Variants in DOCK2 observed in about 807,000 individuals in gnomAD.
DOCK2 encodes the protein dedicator of cytokinesis protein 2.
DOCK2 carries 87 observed loss-of-function variants against 248.9 expected under a neutral mutation model. The ratio of observed to expected loss-of-function variants is 0.35; its 90% CI spans 0.29 to 0.42. DOCK2 has a LOEUF of 0.42. Among genes scored for constraint, DOCK2 ranks in the 10% least tolerant of loss-of-function variants. The probability of loss-of-function intolerance (pLI) is 1.00; values close to 1 mark genes in which losing one functional copy is unlikely to be tolerated. For synonymous variants in DOCK2, 805 were observed against 821.6 expected (o/e 0.98, Z 0.35); for missense variants, 1,747 against 2,300.2 (o/e 0.76, Z 4.92).
At chr5:169,715,982 G>A (rs13184078) in intron 19 of DOCK2, among the ~76,000 whole-genome samples, 19,917 of 152,256 alleles carry the variant, frequency 0.13, 1,606 homozygotes, top group Non-Finnish European at 0.19. Flanking sequence ...CAGCTGTGTA[G>A]TATTCTCTAG....
chr5:170,083,196 A>C lies in DOCK2; in HGVS notation c.*338A>C. ...AGGTGTAAGAAACTGTTTTTATCTC[A>C]TTTATTAAGTCTCAGAACTTAACAG... is the stretch of plus-strand genomic sequence containing the variant. On this transcript the variant is annotated 3_prime_UTR_variant, in exon 52 of 52. Transcript: ENST00000520908. The C allele has an allele frequency of 4.4e-6, 1 of 229,762 alleles. No homozygotes were observed. 14.2% of individuals were successfully genotyped at this position (229,762 alleles called of 1,614,324 possible). A position where few individuals can be genotyped will look rare whatever the true frequency, so the allele number is the denominator to read the frequency against.
In DOCK2 at chr5:169,908,063, C is replaced by T. The variant is rs143185007; in HGVS notation, c.2799+67211C>T. On this transcript the variant is annotated intron_variant, in intron 27 of 51. Transcript: ENST00000520908. ...GATGGAACAATTTAGATCAAGCCAT[C>T]CCCAGGAAAAGCTTTCATTGAACAA... Among the ~76,000 whole-genome samples the T allele has an allele frequency of 3.3e-5, 5 of 152,288 alleles. No individual in the cohort carries two copies. The East Asian group carries it at 7.7e-4, about 23-fold the overall frequency.
intron 27 of DOCK2, among the ~76,000 whole-genome samples, chr5:169,888,719 G>C (rs555814695): frequency 2.0e-5 from 3 of 152,296 alleles, no homozygotes; most frequent in Admixed American, 6.5e-5. Context: ...CTTGATCTTT[G>C]TAAAACCGCC....
In DOCK2 at chr5:169,637,325, C is replaced by T; in HGVS notation, c.-2C>T. ...GGGAGGACGCGAGGCCCCGGCCCAG[C>T]CATGGCCCCCTGGCGCAAAGCTGAC... is the stretch of plus-strand genomic sequence containing the variant. On this transcript the variant is annotated 5_prime_UTR_variant, in exon 1 of 52. Coordinates refer to ENST00000520908, the MANE Select transcript of DOCK2 (RefSeq NM_004946.3). 1.4e-6 allele frequency: 2 copies of T among 1,424,582 alleles called. No individual in the cohort carries two copies. Among genetic ancestry groups the T allele is most frequent in the Non-Finnish European group, 1.8e-6 (2 of 1,091,142 alleles). 88.2% of individuals were successfully genotyped at this position (1,424,582 alleles called of 1,614,324 possible). A position where few individuals can be genotyped will look rare whatever the true frequency, so the allele number is the denominator to read the frequency against.
intron 27 of DOCK2, among the ~76,000 whole-genome samples, chr5:169,876,508 C>G (rs2113481322): frequency 6.6e-6 from 1 of 152,338 alleles, no homozygotes; most frequent in Middle Eastern, 3.4e-3. Context: ...TTTCCCACTA[C>G]AGTCAGGACA....
chr5:170,041,966 T>C, intron 37 of DOCK2, 47 bp from the exon 38 acceptor site: 4 of 1,601,550 alleles, frequency 2.5e-6, no homozygotes, highest in Non-Finnish European at 3.4e-6. Context: ...CACCTGCTCT[T>C]GGCAGCCTCT....
chr5:169,730,092 G>C (rs1414543602), intron 22 of DOCK2, among the ~76,000 whole-genome samples: 1 of 152,154 alleles, frequency 6.6e-6, no homozygotes, highest in East Asian at 1.9e-4. Flanking sequence ...GAGTAGCTGG[G>C]ACTACAGGCA....
At position 170,042,618 on chromosome 5, in the gene DOCK2, A is replaced by T. The variant is rs542090338; in HGVS notation, c.3876+486A>T. Among the ~76,000 whole-genome samples, 35 of 152,218 alleles carry T rather than the reference A, an allele frequency of 2.3e-4. No individual in the cohort carries two copies. The East Asian group carries it at 6.2e-3, about 27-fold the overall frequency. ...CTCTTTTCAAACTCAGGGACTGTGTACTTGCTTTTCCCAGCTGGAAGCATT... is the reference window on the plus strand; with the variant it reads ...CTCTTTTCAAACTCAGGGACTGTGTTCTTGCTTTTCCCAGCTGGAAGCATT... On this transcript the variant is annotated intron_variant, in intron 38 of 51. Transcript: ENST00000520908.
intron 27 of DOCK2, among the ~76,000 whole-genome samples, chr5:169,907,531 C>T (rs564682049): frequency 2.0e-4 from 30 of 152,308 alleles, no homozygotes; most frequent in African/African-American, 7.0e-4. Context: ...TTAGCGAAGA[C>T]TAGTTGCCAG....
intron 1 of DOCK2, among the ~76,000 whole-genome samples, chr5:169,647,528 G>A (rs956734016): frequency 6.6e-6 from 1 of 152,148 alleles, no homozygotes; most frequent in Non-Finnish European, 1.5e-5. Flanking sequence ...GCACAGCACA[G>A]CAATAAATAG....
intron 23 of DOCK2, among the ~76,000 whole-genome samples, chr5:169,757,972 C>G (rs1764281260): frequency 6.6e-6 from 1 of 152,204 alleles, no homozygotes; most frequent in Non-Finnish European, 1.5e-5. Flanking sequence ...TTGACAATCT[C>G]TCCTAAAATG....
At chr5:170,040,321 C>T (rs1326335517) in intron 36 of DOCK2, among the ~76,000 whole-genome samples, 2 of 152,178 alleles carry the variant, frequency 1.3e-5, no homozygotes, top group African/African-American at 4.8e-5. Context: ...TTGTTCTCAT[C>T]CTCAGTACCC....
intron 8 of DOCK2, among the ~76,000 whole-genome samples, chr5:169,687,909 C>T (rs942728464): frequency 2.0e-5 from 3 of 152,046 alleles, no homozygotes; most frequent in African/African-American, 7.2e-5. Flanking sequence ...TGTAACTTTC[C>T]GTTGAATCTG....
intron 34 of DOCK2, among the ~76,000 whole-genome samples, chr5:170,034,153 T>C (rs1207231127): frequency 6.6e-6 from 1 of 152,248 alleles, no homozygotes; most frequent in Non-Finnish European, 1.5e-5. Flanking sequence ...TGGGTAAAAG[T>C]GACCATCTCC....
chr5:169,691,829 TTTTATTTA>T (rs543766613), intron 9 of DOCK2, among the ~76,000 whole-genome samples: 17 of 150,384 alleles, frequency 1.1e-4, no homozygotes, highest in Admixed American at 2.6e-4. Context: ...CTATGTTTTG[TTTTATTTA>T]TTTATTTATT....
chr5:169,681,896 A>G lies in DOCK2; in HGVS notation c.606+17A>G. ...GAAGAAATGGTGAGCTTTACTAAAT[A>G]GGCTTTGGCCAAGTGATACAATCAT... On this transcript the variant is annotated intron_variant, in intron 7 of 51. Transcript: ENST00000520908. The G allele has an allele frequency of 6.2e-7, 1 of 1,612,252 alleles. No individual in the cohort carries two copies. The highest frequency in any genetic ancestry group is 1.3e-5 in the African/African-American group (1 of 75,006).
intron 17 of DOCK2, 148 bp from the exon 18 acceptor site, chr5:169,713,880 A>AC (rs1416122214): frequency 2.5e-5 from 21 of 837,838 alleles, no homozygotes; most frequent in Non-Finnish European, 3.4e-5. Context: ...GTCCTGCCTC[A>AC]CCAGCCAATG....
At chr5:169,678,336 G>A (rs1235536760) in intron 6 of DOCK2, among the ~76,000 whole-genome samples, 1 of 151,690 alleles carries the variant, frequency 6.6e-6, no homozygotes. Flanking sequence ...AGTGCAGAGT[G>A]CACTGCAACA....
At chr5:169,841,180 T>G (rs1769944499) in intron 27 of DOCK2, among the ~76,000 whole-genome samples, 1 of 152,188 alleles carries the variant, frequency 6.6e-6, no homozygotes, top group Non-Finnish European at 1.5e-5. Flanking sequence ...GCATGTCCAC[T>G]AGGAACCTTT....
Sources: allele counts gnomAD v4.1 joint callset (sites outside exome capture counted in the v4.1 genomes callset), GRCh38; gene constraint gnomAD v4.1.1; transcripts MANE v1.5; gene names NCBI Gene and HGNC (gene_info 2026-07-23, HGNC 2026-07-21).